Variants in ATP10B observed in about 807,000 individuals in gnomAD.
ATP10B encodes the protein ATPase phospholipid transporting 10B (putative).
ATP10B carries 122 observed loss-of-function variants against 141.2 expected under a neutral mutation model. The observed-to-expected ratio is 0.86, with a 90% CI of 0.75 to 1.00. The LOEUF (loss-of-function observed/expected upper bound fraction) is 1.00. ATP10B is among the 50% of genes least tolerant of loss of function. ATP10B has a pLI of 0.00. For synonymous variants in ATP10B, 685 were observed against 692.0 expected (o/e 0.99, Z 0.16); for missense variants, 1,876 against 1,825.3 (o/e 1.03, Z -0.51).
intron 1 of ATP10B, among the ~76,000 whole-genome samples, chr5:160,796,022 C>A (rs1254218467): frequency 6.6e-6 from 1 of 152,080 alleles, no homozygotes; most frequent in Non-Finnish European, 1.5e-5. Flanking sequence ...GAGTTCAGAC[C>A]CCACGTTGAG....
chr5:160,812,054 G>C (rs1340079746), intron 1 of ATP10B, among the ~76,000 whole-genome samples: 1 of 150,050 alleles, frequency 6.7e-6, no homozygotes, highest in Non-Finnish European at 1.5e-5. Context: ...GAGAGAGAGA[G>C]AGAGAGGGAG....
At chr5:160,568,495 C>T (rs1895191) in intron 25 of ATP10B, among the ~76,000 whole-genome samples, 32,525 of 152,058 alleles carry the variant, frequency 0.21, 3,619 homozygotes, top group Admixed American at 0.3. Flanking sequence ...GGCTTGATTG[C>T]GATGTTCAGC....
intron 3 of ATP10B, among the ~76,000 whole-genome samples, chr5:160,689,925 C>A (rs1236936510): frequency 6.6e-6 from 1 of 151,932 alleles, no homozygotes; most frequent in African/African-American, 2.4e-5. Context: ...AAAAGCAAAG[C>A]TGGAGGCATC....
chr5:160,579,149 C>A (rs1256362736), intron 24 of ATP10B, among the ~76,000 whole-genome samples: 2 of 152,166 alleles, frequency 1.3e-5, no homozygotes, highest in African/African-American at 4.8e-5. Context: ...ATAATAGTTT[C>A]TTTTGCTGTG....
rs151086612 is a variant in ATP10B, at chr5:160,616,524, G to C, written c.2527-560C>G. The stretch of plus-strand genomic sequence containing the variant: ...CGGAGAAAGTTCAGAAATGAGGCTG[G>C]AAAGAAAGCAGCCTGTAGAGCACTC... On this transcript the variant is annotated intron_variant, in intron 16 of 25. Transcript: ENST00000327245. Among the ~76,000 whole-genome samples the C allele has an allele frequency of 2.5e-3, 378 of 152,276 alleles. 2 individuals are homozygous for C. The highest frequency in any genetic ancestry group is 4.8e-3 in the Admixed American group (73 of 15,294).
the ATP10B span, among the ~76,000 whole-genome samples, chr5:160,923,480 C>T: frequency 1.5e-4 from 23 of 152,314 alleles, no homozygotes; most frequent in East Asian, 9.6e-4. Context: ...GGAATCAGCA[C>T]GGTGCCCAGG....
chr5:160,570,642 C>T (rs924052166), intron 24 of ATP10B, among the ~76,000 whole-genome samples: 4 of 152,198 alleles, frequency 2.6e-5, no homozygotes, highest in African/African-American at 9.7e-5. Flanking sequence ...TTTAAAATCA[C>T]TCAACTCACT....
At position 160,765,772 on chromosome 5, in the gene ATP10B, A is replaced by G. The variant is rs770132399; in HGVS notation, c.-331+19787T>C. Among the ~76,000 whole-genome samples the G allele has an allele frequency of 4.6e-5, 7 of 152,210 alleles. 1 individual carries two copies. Among genetic ancestry groups the G allele is most frequent in the Non-Finnish European group, 1.0e-4 (7 of 68,028 alleles). ...GAAATTATCAGTAAGCAGACAACCC[A>G]CAGAGTGGGAGAAAATATTCACAAA... is the stretch of plus-strand genomic sequence containing the variant. On this transcript the variant is annotated intron_variant, in intron 2 of 25. Transcript: ENST00000327245.
chr5:160,653,266 C>T (rs932338935), intron 7 of ATP10B, among the ~76,000 whole-genome samples: 47 of 130,670 alleles, frequency 3.6e-4, no homozygotes, highest in Admixed American at 7.1e-4. Flanking sequence ...TATATACATA[C>T]GTACATACAT....
chr5:160,883,574 G>A, the ATP10B span, among the ~76,000 whole-genome samples: 1 of 152,138 alleles, frequency 6.6e-6, no homozygotes, highest in Non-Finnish European at 1.5e-5. Flanking sequence ...CAGTAATACT[G>A]TAAACTGATT....
rs1415985123 is a variant in ATP10B, at chr5:160,565,758, C to A, written c.4081G>T (p.Val1361Leu). 15 of 1,614,104 alleles carry A rather than the reference C, an allele frequency of 9.3e-6. No homozygotes were observed. The highest frequency in any genetic ancestry group is 1.3e-5 in the Non-Finnish European group (15 of 1,179,992). ...SRQRPAPVPE[V>L]ARPTHHPVSS... ...ACTGGGTGGTGAGTTGGTCGAGCCA[C>A]TTCGGGGACAGGGGCAGGCCTCTGT... The change falls in exon 26 of 26, where the codon GTG (valine) becomes TTG (leucine). Residue 1361 changes from valine (V) to leucine (L), a missense_variant. Transcript: ENST00000327245.
intron 16 of ATP10B, 58 bp downstream of exon 16, chr5:160,617,806 T>G: frequency 7.1e-7 from 1 of 1,403,056 alleles, no homozygotes; most frequent in Non-Finnish European, 1.0e-6. Context: ...AGAAGCAGGG[T>G]CAAGGCCATT....
In ATP10B at chr5:160,789,952, T is replaced by C. The variant is rs567949075; in HGVS notation, c.-575-4149A>G. Reference sequence around the variant, plus strand: ...ATATGTTTGCTGAGTATTCTGAAGATTGGGTGTAAAGAAAACAAAATAGGC... The same window carrying C: ...ATATGTTTGCTGAGTATTCTGAAGACTGGGTGTAAAGAAAACAAAATAGGC... On this transcript the variant is annotated intron_variant, in intron 1 of 25. Transcript: ENST00000327245. Among the ~76,000 whole-genome samples, 3 of 152,286 alleles carry C rather than the reference T, an allele frequency of 2.0e-5. No individual in the cohort carries two copies. In the East Asian group the frequency reaches 5.8e-4, roughly 29 times the overall value.
chr5:160,565,601 C>G lies in ATP10B; in HGVS notation c.4238G>C (p.Cys1413Ser). ...CGTECMRDDS[C>S]SGDSSAQLSS... ...GAGTTGAGCTGAGGAGTCCCCTGAG[C>G]ATGAGTCATCCCTCATGCACTCCGT... is the stretch of plus-strand genomic sequence containing the variant. Residue 1413 changes from cysteine to serine, a missense_variant, in exon 26 of 26, where the codon TGC becomes TCC. By Grantham distance (112) the Cys-to-Ser change is moderately radical. Transcript: ENST00000327245. 1 of 1,614,138 alleles carries G rather than the reference C, an allele frequency of 6.2e-7. No individual in the cohort carries two copies. Among genetic ancestry groups the G allele is most frequent in the Non-Finnish European group, 8.5e-7 (1 of 1,179,986 alleles).
chr5:160,683,243 T>C (rs527500173), intron 6 of ATP10B, among the ~76,000 whole-genome samples: 1 of 152,130 alleles, frequency 6.6e-6, no homozygotes, highest in East Asian at 1.9e-4. Flanking sequence ...TCAAGACAAT[T>C]GGATCTAGCT....
At chr5:160,756,852 A>G (rs931506326) in intron 2 of ATP10B, among the ~76,000 whole-genome samples, 1 of 152,150 alleles carries the variant, frequency 6.6e-6, no homozygotes, top group African/African-American at 2.4e-5. Context: ...TATTTTAGAC[A>G]TATTGTCTTT....
chr5:160,887,371 CTG>C, the ATP10B span, among the ~76,000 whole-genome samples: 1,108 of 152,228 alleles, frequency 7.3e-3, 15 homozygotes, highest in African/African-American at 0.023. Context: ...AGAAAAATGT[CTG>C]TACCTCTTCA....
At chr5:160,764,690 C>T (rs549084814) in intron 2 of ATP10B, among the ~76,000 whole-genome samples, 4 of 152,198 alleles carry the variant, frequency 2.6e-5, no homozygotes, top group East Asian at 1.9e-4. Context: ...TTCTATTCAG[C>T]GTAGTACTGG....
At chr5:160,820,921 C>A (rs1200013572) in intron 1 of ATP10B, among the ~76,000 whole-genome samples, 1 of 151,984 alleles carries the variant, frequency 6.6e-6, no homozygotes, top group Non-Finnish European at 1.5e-5. Flanking sequence ...TATGGCAGAC[C>A]CATAGCAGGC....
Sources: gnomAD v4.1 joint callset for allele counts (sites outside exome capture counted in the v4.1 genomes callset) on GRCh38, gnomAD v4.1.1 for gene constraint, MANE v1.5 for transcripts, NCBI Gene and HGNC (gene_info 2026-07-23, HGNC 2026-07-21) for gene names.